Variants in PLXNC1 observed in about 807,000 individuals in gnomAD.
PLXNC1 encodes plexin-C1.
Under a neutral mutation model 178.2 loss-of-function variants are expected in PLXNC1, and 75 were observed. The ratio of observed to expected loss-of-function variants is 0.42; its 90% CI spans 0.35 to 0.51. The LOEUF is 0.51. Among genes scored for constraint, PLXNC1 ranks in the 20% least tolerant of loss-of-function variants. The probability of loss-of-function intolerance (pLI) is 0.02; values close to 1 mark genes in which losing one functional copy is unlikely to be tolerated. For synonymous variants in PLXNC1, 790 were observed against 779.9 expected (o/e 1.01, Z -0.22); for missense variants, 1,503 against 1,984.4 (o/e 0.76, Z 4.61).
intron 6 of PLXNC1, among the ~76,000 whole-genome samples, chr12:94,222,786 A>G (rs1963833255): frequency 6.6e-6 from 1 of 151,874 alleles, no homozygotes; most frequent in Non-Finnish European, 1.5e-5. Flanking sequence ...GTGTATTTTC[A>G]CTGGGAGTCC....
Position 94,149,147 on chromosome 12 carries a change from T to C in PLXNC1, c.176T>C (p.Val59Ala). Residue 59 changes from valine to alanine, a missense_variant, in exon 1 of 31, where the codon GTG becomes GCG. Physicochemically the swap from Val to Ala is moderately conservative, Grantham distance 64 (BLOSUM62 0). Coordinates refer to ENST00000258526, the MANE Select transcript of PLXNC1 (RefSeq NM_005761.3). ...IAASQEDGVFVASGSCLDQLD... is the reference protein window; with the variant it reads ...IAASQEDGVFAASGSCLDQLD... ...GCGAGCCAGGAGGACGGCGTGTTTG[T>C]GGCGAGCGGCAGCTGCCTGGACCAG... The C allele has an allele frequency of 6.3e-7, 1 of 1,590,776 alleles. No individual in the cohort carries two copies. Among genetic ancestry groups the C allele is most frequent in the African/African-American group, 1.4e-5 (1 of 72,244 alleles).
chr12:94,251,344 G>T, intron 14 of PLXNC1, 82 bp from the exon 15 acceptor site: 1 of 802,384 alleles, frequency 1.2e-6, no homozygotes, highest in East Asian at 2.5e-5. Context: ...TTTGTATTGT[G>T]AAGCCATTTT....
In PLXNC1 at chr12:94,220,048, A is replaced by G. The variant is rs563300995; in HGVS notation, c.1587A>G (p.Pro529=). Residue 529 remains proline, a synonymous_variant, in exon 6 of 31, where the codon CCA becomes CCG. Transcript: ENST00000258526. ...TTVTMVGSFS[P]RHSKCMVKNV... ...TGACTATGGTGGGAAGCTTCTCTCC[A>G]AGACACTCAAAGTGCATGGTGAAGA... is the stretch of plus-strand genomic sequence containing the variant. 6.2e-7 allele frequency: 1 copy of G among 1,613,976 alleles called. No individual in the cohort carries two copies. Among genetic ancestry groups the G allele is most frequent in the African/African-American group, 1.3e-5 (1 of 75,014 alleles).
chr12:94,159,480 C>A (rs973606596), intron 1 of PLXNC1, among the ~76,000 whole-genome samples: 10 of 151,974 alleles, frequency 6.6e-5, no homozygotes, highest in African/African-American at 2.4e-4. Context: ...AAGAGCAGTG[C>A]TGGCAGACTG....
chr12:94,160,878 A>G (rs1226567276), intron 1 of PLXNC1, among the ~76,000 whole-genome samples: 1 of 152,394 alleles, frequency 6.6e-6, no homozygotes, highest in East Asian at 1.9e-4. Context: ...CACATTCAAT[A>G]GCAAGATATA....
chr12:94,270,859 G>A (rs1965527940), intron 21 of PLXNC1, among the ~76,000 whole-genome samples: 3 of 151,850 alleles, frequency 2.0e-5, no homozygotes, highest in African/African-American at 7.3e-5. Flanking sequence ...CCAGGAAGCT[G>A]TGATTTATGG....
chr12:94,151,764 C>T (rs576060628), intron 1 of PLXNC1, among the ~76,000 whole-genome samples: 1 of 152,336 alleles, frequency 6.6e-6, no homozygotes, highest in South Asian at 2.1e-4. Flanking sequence ...AAACATTTCT[C>T]TTGACTGCGT....
chr12:94,203,660 C>T (rs1369799473), intron 4 of PLXNC1, among the ~76,000 whole-genome samples: 1 of 152,202 alleles, frequency 6.6e-6, no homozygotes, highest in Non-Finnish European at 1.5e-5. Context: ...TCTGCACCTC[C>T]GTTTCTCAAC....
rs148127070 is a variant in PLXNC1, at chr12:94,181,785, A to G, written c.1338+205A>G. Among the ~76,000 whole-genome samples the G allele has an allele frequency of 2.4e-3, 365 of 152,314 alleles. 1 individual carries two copies. Among genetic ancestry groups the G allele is most frequent in the Non-Finnish European group, 4.3e-3 (294 of 68,020 alleles). ...TAAGCAAGAAATATTATCTATTTAG[A>G]CAATTTTATTATTGGCTATATTTCC... On this transcript the variant is annotated intron_variant, in intron 3 of 30. Transcript: ENST00000258526.
At chr12:94,195,911 CA>C (rs1369264248) in intron 4 of PLXNC1, among the ~76,000 whole-genome samples, 1 of 152,180 alleles carries the variant, frequency 6.6e-6, no homozygotes, top group Admixed American at 6.5e-5. Context: ...CCCAGAGTAA[CA>C]AATGAAAAGA....
At chr12:94,194,856 A>G (rs902026070) in intron 4 of PLXNC1, among the ~76,000 whole-genome samples, 5 of 152,170 alleles carry the variant, frequency 3.3e-5, no homozygotes, top group African/African-American at 1.2e-4. Context: ...GTAGGCAACG[A>G]AGTTGTGTCA....
chr12:94,176,668 G>A lies in PLXNC1; in HGVS notation c.1204-4778G>A, dbSNP rs537971447. On this transcript the variant is annotated intron_variant, in intron 2 of 30. Coordinates refer to ENST00000258526, the MANE Select transcript of PLXNC1 (RefSeq NM_005761.3). ...AGAACCAAGAAAATATTCCGTGAAA[G>A]GCACCTGGTCTTGACTTCCAAGGCA... is the stretch of plus-strand genomic sequence containing the variant. 2.0e-5 allele frequency among the ~76,000 whole-genome samples: 3 copies of A among 152,232 alleles called. No homozygotes were observed. In the East Asian group the frequency reaches 5.8e-4, roughly 29 times the overall value.
intron 2 of PLXNC1, among the ~76,000 whole-genome samples, chr12:94,178,112 T>G (rs1387536992): frequency 6.6e-6 from 1 of 152,220 alleles, no homozygotes; most frequent in South Asian, 2.1e-4. Context: ...CAAATTTGGT[T>G]GTTCTATTAT....
At chr12:94,282,129 CAAAGT>C (rs61124555) in intron 22 of PLXNC1, 164 bp from the exon 23 acceptor site, 255,945 of 565,560 alleles carry the variant, frequency 0.45, 58,727 homozygotes, top group South Asian at 0.55. Context: ...AACAAACAAA[CAAAGT>C]AAAACAGAAC....
At chr12:94,277,982 G>T (rs1184039245) in intron 21 of PLXNC1, 3 of 456,004 alleles carry the variant, frequency 6.6e-6, no homozygotes, top group East Asian at 1.4e-4. Flanking sequence ...ATCAGACATT[G>T]CCTCCTGCAG....
chr12:94,200,818 A>G (rs1963092983), intron 4 of PLXNC1, among the ~76,000 whole-genome samples: 1 of 152,220 alleles, frequency 6.6e-6, no homozygotes. Flanking sequence ...AAAGGCCACA[A>G]ACCCATTTTG....
At chr12:94,254,735 T>G in intron 15 of PLXNC1, 52 bp from the exon 16 acceptor site, 1 of 1,304,516 alleles carries the variant, frequency 7.7e-7, no homozygotes, top group Non-Finnish European at 1.1e-6. Context: ...TTGTTTTCAT[T>G]TTTGGTTTTT....
chr12:94,172,978 G>T (rs1961902462), intron 2 of PLXNC1, among the ~76,000 whole-genome samples: 1 of 152,118 alleles, frequency 6.6e-6, no homozygotes, highest in Admixed American at 6.5e-5. Flanking sequence ...AGGGTCCTTT[G>T]AGAGCATCTA....
intron 14 of PLXNC1, among the ~76,000 whole-genome samples, chr12:94,250,798 C>T (rs1183465294): frequency 6.6e-6 from 1 of 152,076 alleles, no homozygotes; most frequent in African/African-American, 2.4e-5. Context: ...GTGGGAGGAT[C>T]GCTTGAGTTC....
Sources: gnomAD v4.1 joint callset for allele counts (sites outside exome capture counted in the v4.1 genomes callset) on GRCh38, gnomAD v4.1.1 for gene constraint, MANE v1.5 for transcripts, NCBI Gene and HGNC (gene_info 2026-07-23, HGNC 2026-07-21) for gene names.